The following AUTS2 variants were observed in gnomAD, a reference collection of about 807,000 sequenced individuals.
The protein encoded by AUTS2 is autism susceptibility gene 2 protein.
A neutral mutation model predicts 112.4 loss-of-function variants in AUTS2; 17 were observed. That is an observed-to-expected ratio of 0.15 (90% CI 0.10 to 0.23). The LOEUF (loss-of-function observed/expected upper bound fraction) is 0.23. Ranked by LOEUF, AUTS2 falls within the 10% of genes least tolerant of loss-of-function variation. The pLI, the probability that AUTS2 is intolerant of heterozygous loss-of-function variation, is 1.00. For missense variants in AUTS2, 1,510 were observed against 1,701.6 expected, an observed-to-expected ratio of 0.89 and a Z score of 1.98; for synonymous variants, 751 against 702.7, an observed-to-expected ratio of 1.07 and a Z score of -1.09.
At chr7:70,463,215 C>G (rs771041192) in intron 5 of AUTS2, among the ~76,000 whole-genome samples, 6 of 152,182 alleles carry the variant, frequency 3.9e-5, no homozygotes, top group Admixed American at 1.3e-4. Flanking sequence ...GTACAGTGTT[C>G]CTGTTCACTC....
rs377307428 is a variant in AUTS2 at position 69,949,470 on chromosome 7, G to T, written c.522+49972G>T. Among the ~76,000 whole-genome samples the T allele has an allele frequency of 1.1e-4, 17 of 152,286 alleles. No individual in the cohort carries two copies. The South Asian group carries it at 3.5e-3, about 32-fold the overall frequency. ...TAGAAAAAGCTAACACCACTTGCCT[G>T]TGGTCATAGAGCTAGCAATTAGCAA... On this transcript the variant is annotated intron_variant, in intron 2 of 18. Coordinates refer to ENST00000342771, the MANE Select transcript of AUTS2 (RefSeq NM_015570.4).
chr7:69,704,341 G>C (rs781682291), intron 1 of AUTS2, among the ~76,000 whole-genome samples: 3 of 151,578 alleles, frequency 2.0e-5, no homozygotes, highest in Non-Finnish European at 4.4e-5. Flanking sequence ...GCGGTGGTGC[G>C]ATCTCTGCTC....
chr7:70,117,031 A>G (rs1805391050), intron 2 of AUTS2, among the ~76,000 whole-genome samples: 1 of 148,774 alleles, frequency 6.7e-6, no homozygotes, highest in Non-Finnish European at 1.5e-5. Flanking sequence ...GTATTTGTTC[A>G]TTTTTAATGG....
intron 10 of AUTS2, among the ~76,000 whole-genome samples, chr7:70,769,760 G>A (rs1002348684): frequency 2.0e-5 from 3 of 152,070 alleles, no homozygotes; most frequent in African/African-American, 4.8e-5. Flanking sequence ...GACCCACTGC[G>A]GTGCCTTCTG....
At chr7:69,921,762 TAAAAAA>T (rs35008506) in intron 2 of AUTS2, among the ~76,000 whole-genome samples, 3 of 100,552 alleles carry the variant, frequency 3.0e-5, no homozygotes, top group Admixed American at 1.2e-4. Flanking sequence ...ACTCTGTCTT[TAAAAAA>T]AAAAAAAAAA....
intron 4 of AUTS2, among the ~76,000 whole-genome samples, chr7:70,301,077 T>C (rs950315808): frequency 4.6e-5 from 7 of 152,230 alleles, no homozygotes; most frequent in African/African-American, 1.7e-4. Flanking sequence ...ATTTCTTTCT[T>C]AAAATAAATT....
At chr7:70,224,508 A>T (rs1811665916) in intron 4 of AUTS2, among the ~76,000 whole-genome samples, 1 of 152,226 alleles carries the variant, frequency 6.6e-6, no homozygotes. Flanking sequence ...AATGTTATTA[A>T]AAAGGATTCA....
intron 1 of AUTS2, among the ~76,000 whole-genome samples, chr7:69,765,720 G>A (rs1383583798): frequency 1.3e-5 from 2 of 152,150 alleles, no homozygotes; most frequent in African/African-American, 4.8e-5. Context: ...CGGGAGGATT[G>A]CTTGAGCTCA....
chr7:70,739,538 G>A (rs1027371074), intron 6 of AUTS2, among the ~76,000 whole-genome samples: 1 of 151,980 alleles, frequency 6.6e-6, no homozygotes, highest in Non-Finnish European at 1.5e-5. Flanking sequence ...GATGTTAGTA[G>A]TGTGTCTGGT....
intron 4 of AUTS2, among the ~76,000 whole-genome samples, chr7:70,241,853 C>CCTGCCG (rs1812631820): frequency 6.6e-6 from 1 of 152,294 alleles, no homozygotes; most frequent in East Asian, 1.9e-4. Flanking sequence ...AACACACCTG[C>CCTGCCG]ATTAAACCAG....
rs1271761049 is a variant in AUTS2 at position 69,802,634 on chromosome 7, T to C, written c.310-96652T>C. The stretch of plus-strand genomic sequence containing the variant: ...AGGTTCTTTCTGAACCTTAGAGTAC[T>C]GGCTCATAGTGCCTGTGCTATAACC... On this transcript the variant is annotated intron_variant, in intron 1 of 18. Transcript: ENST00000342771. Among the ~76,000 whole-genome samples the C allele has an allele frequency of 2.3e-4, 35 of 152,248 alleles. 1 individual carries two copies. Among genetic ancestry groups the C allele is most frequent in the Admixed American group, 2.3e-3 (35 of 15,290 alleles).
At chr7:70,222,851 TC>T (rs1402234944) in intron 4 of AUTS2, among the ~76,000 whole-genome samples, 1 of 151,972 alleles carries the variant, frequency 6.6e-6, no homozygotes, top group Non-Finnish European at 1.5e-5. Context: ...TATTCTTCAC[TC>T]TGCTTTATGA....
At chr7:70,457,408 C>T (rs146672836) in intron 5 of AUTS2, among the ~76,000 whole-genome samples, 7 of 152,092 alleles carry the variant, frequency 4.6e-5, no homozygotes, top group South Asian at 4.1e-4. Context: ...ACCTCAGACA[C>T]GTCCTCTCTC....
chr7:69,684,804 T>G (rs1301836717), intron 1 of AUTS2, among the ~76,000 whole-genome samples: 1 of 152,236 alleles, frequency 6.6e-6, no homozygotes, highest in African/African-American at 2.4e-5. Context: ...CCTCATTCCT[T>G]GTTTCCTTTT....
chr7:69,732,001 TTTTG>T (rs1236965666), intron 1 of AUTS2, among the ~76,000 whole-genome samples: 2 of 152,132 alleles, frequency 1.3e-5, no homozygotes. Flanking sequence ...GTTTTTTGTT[TTTTG>T]TTTTTTTTTT....
chr7:70,392,151 G>A (rs1307955061), intron 4 of AUTS2, among the ~76,000 whole-genome samples: 3 of 152,134 alleles, frequency 2.0e-5, no homozygotes, highest in Admixed American at 6.5e-5. Context: ...TGGCTTCTTT[G>A]TATGACTGTT....
At chr7:70,695,891 G>C (rs1809064636) in intron 5 of AUTS2, among the ~76,000 whole-genome samples, 2 of 152,120 alleles carry the variant, frequency 1.3e-5, no homozygotes, top group Non-Finnish European at 2.9e-5. Context: ...CTCCAAAACC[G>C]AGCGAGGGGA....
rs537994767 is a variant in AUTS2 at position 70,365,510 on chromosome 7, A to G, written c.661-70242A>G. On this transcript the variant is annotated intron_variant, in intron 4 of 18. Transcript: ENST00000342771. ...CACCTGCAATTGACAGAGAACGTAA[A>G]TGGTATTTTTTAAAGGCTAGAAGTT... Among the ~76,000 whole-genome samples the G allele has an allele frequency of 3.3e-5, 5 of 152,308 alleles. No homozygotes were observed. The South Asian group carries it at 8.3e-4, about 25-fold the overall frequency.
At chr7:69,659,018 A>G (rs556888126) in intron 1 of AUTS2, among the ~76,000 whole-genome samples, 1 of 152,374 alleles carries the variant, frequency 6.6e-6, no homozygotes, top group Admixed American at 6.5e-5. Context: ...TTTTTAAGAT[A>G]CTTAGGTAAA....
Sources: allele counts gnomAD v4.1 joint callset (sites outside exome capture counted in the v4.1 genomes callset), GRCh38; gene constraint gnomAD v4.1.1; transcripts MANE v1.5; gene names NCBI Gene and HGNC (gene_info 2026-07-23, HGNC 2026-07-21).